The following RAB38 variants were observed in gnomAD, a reference collection of about 807,000 sequenced individuals.
RAB38 encodes ras-related protein Rab-38.
A neutral mutation model predicts 18.4 loss-of-function variants in RAB38; 15 were observed. The ratio of observed to expected loss-of-function variants is 0.82; its 90% CI spans 0.55 to 1.26. The LOEUF is 1.26. Among genes scored for constraint, RAB38 ranks in the 50% most tolerant of loss-of-function variants. The pLI is 0.00. For synonymous variants in RAB38, 101 were observed against 104.4 expected (o/e 0.97, Z 0.20); for missense variants, 294 against 267.4 (o/e 1.10, Z -0.69).
the RAB38 span, among the ~76,000 whole-genome samples, chr11:88,013,452 T>C: frequency 6.6e-6 from 1 of 152,148 alleles, no homozygotes; most frequent in African/African-American, 2.4e-5. Flanking sequence ...TTGTTTTTTT[T>C]TGCCATTTAG....
the RAB38 span, among the ~76,000 whole-genome samples, chr11:87,959,309 A>G: frequency 3.3e-5 from 5 of 152,196 alleles, no homozygotes; most frequent in Admixed American, 6.6e-5. Flanking sequence ...AAACCTACAC[A>G]GTAAGCTAAG....
the RAB38 span, among the ~76,000 whole-genome samples, chr11:87,859,678 C>T: frequency 2.0e-5 from 3 of 152,002 alleles, no homozygotes; most frequent in African/African-American, 7.2e-5. Flanking sequence ...TTTACTGGCT[C>T]GCATCATTGT....
At chr11:88,155,570 A>G (rs1325456303) in intron 1 of RAB38, among the ~76,000 whole-genome samples, 1 of 152,242 alleles carries the variant, frequency 6.6e-6, no homozygotes, top group Non-Finnish European at 1.5e-5. Flanking sequence ...TACAAAAATT[A>G]GAAGTGCCAA....
the RAB38 span, among the ~76,000 whole-genome samples, chr11:87,975,228 G>A: frequency 1.3e-5 from 2 of 151,778 alleles, no homozygotes; most frequent in African/African-American, 4.8e-5. Flanking sequence ...TCCCCAATTA[G>A]GTGCATCTGC....
At chr11:88,037,034 G>C in the RAB38 span, among the ~76,000 whole-genome samples, 1 of 151,684 alleles carries the variant, frequency 6.6e-6, no homozygotes, top group Non-Finnish European at 1.5e-5. Context: ...CTATGCTTTG[G>C]AACAATTTAA....
chr11:88,045,249 C>T, the RAB38 span, among the ~76,000 whole-genome samples: 17 of 152,264 alleles, frequency 1.1e-4, no homozygotes, highest in East Asian at 2.9e-3. Flanking sequence ...TAAATTCCGG[C>T]CCCCAAACCC....
Position 88,149,780 on chromosome 11 carries a change from G to A in RAB38, c.378C>T (p.Ala126=). ...NGKPVSVVLL[A]NKCDQGKDVL... Reference sequence around the variant, plus strand: ...CATCCTTCCCCTGGTCACATTTGTTGGCCAACAAAACCACTGAAACCGGTT... The same window carrying A: ...CATCCTTCCCCTGGTCACATTTGTTAGCCAACAAAACCACTGAAACCGGTT... The change falls in exon 2 of 3, where the codon GCC becomes GCT. Residue 126 remains alanine, a synonymous_variant. Transcript: ENST00000243662. The A allele has an allele frequency of 6.2e-7, 1 of 1,614,058 alleles. No individual in the cohort carries two copies. The highest frequency in any genetic ancestry group is 8.5e-7 in the Non-Finnish European group (1 of 1,180,004).
chr11:88,008,914 C>A, the RAB38 span, among the ~76,000 whole-genome samples: 2 of 152,154 alleles, frequency 1.3e-5, no homozygotes, highest in Non-Finnish European at 2.9e-5. Flanking sequence ...CCTCGTGATC[C>A]GCCCGCCTCG....
chr11:87,849,279 G>A, the RAB38 span, among the ~76,000 whole-genome samples: 3 of 152,078 alleles, frequency 2.0e-5, no homozygotes, highest in Admixed American at 1.3e-4. Context: ...GCTAGTTTAT[G>A]CCTCTTTTTC....
At chr11:88,025,436 C>T in the RAB38 span, among the ~76,000 whole-genome samples, 4 of 152,196 alleles carry the variant, frequency 2.6e-5, no homozygotes, top group South Asian at 2.1e-4. Context: ...CTCTGCTTTA[C>T]GCTCTTTGAG....
chr11:87,808,372 C>T, the RAB38 span, among the ~76,000 whole-genome samples: 12 of 152,166 alleles, frequency 7.9e-5, no homozygotes, highest in South Asian at 4.1e-4. Flanking sequence ...AATACTATTC[C>T]ACCATAAAAA....
At chr11:87,889,519 GTAA>G in the RAB38 span, among the ~76,000 whole-genome samples, 10 of 151,934 alleles carry the variant, frequency 6.6e-5, no homozygotes, top group Admixed American at 2.0e-4. Flanking sequence ...ATTATGATCA[GTAA>G]TAATAATGAT....
At chr11:87,948,691 A>ATTACG in the RAB38 span, among the ~76,000 whole-genome samples, 2,095 of 81,604 alleles carry the variant, frequency 0.026, 121 homozygotes, top group African/African-American at 0.1. Context: ...TATATGCTGG[A>ATTACG]TTTATTGATT....
chr11:87,977,397 ATAATTAT>A, the RAB38 span, among the ~76,000 whole-genome samples: 1 of 43,590 alleles, frequency 2.3e-5, no homozygotes, highest in Non-Finnish European at 4.2e-5. Context: ...AATTATATAT[ATAATTAT>A]ATTATAAAAT....
the RAB38 span, among the ~76,000 whole-genome samples, chr11:87,863,724 A>G: frequency 1.3e-5 from 2 of 151,800 alleles, no homozygotes; most frequent in Non-Finnish European, 2.9e-5. Context: ...CTTTCTATCT[A>G]TATTAAAGAC....
At chr11:87,953,436 T>C in the RAB38 span, among the ~76,000 whole-genome samples, 7,232 of 152,230 alleles carry the variant, frequency 0.048, 584 homozygotes, top group African/African-American at 0.17. Context: ...GCAGTTTCAC[T>C]TTCTAAGGTT....
At chr11:87,969,670 T>G in the RAB38 span, among the ~76,000 whole-genome samples, 1 of 152,174 alleles carries the variant, frequency 6.6e-6, no homozygotes, top group Admixed American at 6.6e-5. Context: ...AAATTATATT[T>G]ATCTAAAATA....
the RAB38 span, among the ~76,000 whole-genome samples, chr11:88,026,782 T>C: frequency 2.8e-4 from 43 of 151,964 alleles, no homozygotes; most frequent in African/African-American, 7.0e-4. Flanking sequence ...ACAGTAATAA[T>C]TGATTCAGAG....
intron 2 of RAB38, among the ~76,000 whole-genome samples, chr11:88,119,577 G>A (rs551022524): frequency 1.6e-4 from 24 of 151,626 alleles, no homozygotes; most frequent in Non-Finnish European, 3.1e-4. Context: ...AACCATCAGA[G>A]GTCCTGGTTA....
Sources: gnomAD v4.1 joint callset for allele counts (sites outside exome capture counted in the v4.1 genomes callset) on GRCh38, gnomAD v4.1.1 for gene constraint, MANE v1.5 for transcripts, NCBI Gene and HGNC (gene_info 2026-07-23, HGNC 2026-07-21) for gene names.